The following GRIA4 variants were observed in gnomAD, a reference collection of about 807,000 sequenced individuals.
GRIA4 encodes the protein glutamate receptor 4.
GRIA4 carries 34 observed loss-of-function variants against 104.0 expected under a neutral mutation model. The observed-to-expected ratio is 0.33, with a 90% CI of 0.25 to 0.44. The LOEUF is 0.44. Ranked by LOEUF, GRIA4 falls within the 20% of genes least tolerant of loss-of-function variation. The pLI is 1.00. For missense variants in GRIA4, 750 were observed against 1,096.5 expected (o/e 0.68, Z 4.46); for synonymous variants, 386 against 381.9 (o/e 1.01, Z -0.13).
chr11:105,869,722 A>G (rs1945547777), intron 5 of GRIA4, among the ~76,000 whole-genome samples: 1 of 152,112 alleles, frequency 6.6e-6, no homozygotes, highest in South Asian at 2.1e-4. Flanking sequence ...TCAGTAATAA[A>G]GTGTGCTCTC....
intron 4 of GRIA4, among the ~76,000 whole-genome samples, chr11:105,809,115 G>A (rs1943068505): frequency 6.6e-6 from 1 of 151,940 alleles, no homozygotes; most frequent in East Asian, 1.9e-4. Context: ...GGGTATTTAG[G>A]AACTCTCTGT....
chr11:105,621,734 T>C (rs1002793925), intron 3 of GRIA4, among the ~76,000 whole-genome samples: 2 of 151,830 alleles, frequency 1.3e-5, no homozygotes, highest in Non-Finnish European at 3.0e-5. Flanking sequence ...GGAGGTAAAA[T>C]TGCTATATCA....
chr11:105,625,914 C>T (rs1950874906), intron 3 of GRIA4, among the ~76,000 whole-genome samples: 1 of 152,064 alleles, frequency 6.6e-6, no homozygotes, highest in Non-Finnish European at 1.5e-5. Flanking sequence ...TGTTTGGAAA[C>T]ATCTAGACCG....
intron 5 of GRIA4, among the ~76,000 whole-genome samples, chr11:105,874,697 A>AC (rs1945750798): frequency 6.6e-6 from 1 of 152,150 alleles, no homozygotes; most frequent in African/African-American, 2.4e-5. Context: ...ATGGGCGTTC[A>AC]CTATTGATTT....
At chr11:105,794,030 G>T (rs1259464236) in intron 4 of GRIA4, among the ~76,000 whole-genome samples, 1 of 151,986 alleles carries the variant, frequency 6.6e-6, no homozygotes, top group Non-Finnish European at 1.5e-5. Context: ...AGGAAGAATT[G>T]CATGAGCAAA....
At position 105,974,370 on chromosome 11, in the gene GRIA4, G is replaced by A. The variant is rs1380215185; in HGVS notation, c.2470G>A (p.Gly824Ser). The A allele has an allele frequency of 1.4e-5, 22 of 1,613,760 alleles. No individual in the cohort carries two copies. The highest frequency in any genetic ancestry group is 1.7e-5 in the Admixed American group (1 of 59,970). ...AGGCGTCTTCTACATTCTGGTTGGC[G>A]GCTTGGGCTTGGCAATGCTGGTGGC... is the stretch of plus-strand genomic sequence containing the variant. ...VAGVFYILVGGLGLAMLVALI... is the reference protein window; with the variant it reads ...VAGVFYILVGSLGLAMLVALI... The change falls in exon 16 of 17, where the codon GGC becomes AGC. Residue 824 changes from glycine (G) to serine (S), a missense_variant. Gly to Ser is a moderately conservative substitution (Grantham distance 56). Around this residue, in one of 3 missense-constraint regions of GRIA4, gnomAD observed 272 missense variants for 524.5 expected, o/e 0.52. Transcript: ENST00000282499.
intron 4 of GRIA4, among the ~76,000 whole-genome samples, chr11:105,780,861 T>C (rs1378677215): frequency 6.6e-6 from 1 of 152,140 alleles, no homozygotes; most frequent in African/African-American, 2.4e-5. Context: ...AAAAATGTAA[T>C]CATCTTATTC....
At chr11:105,884,781 T>C (rs1441780122) in intron 5 of GRIA4, among the ~76,000 whole-genome samples, 1 of 152,216 alleles carries the variant, frequency 6.6e-6, no homozygotes, top group Non-Finnish European at 1.5e-5. Context: ...TATTATAGTT[T>C]TTTGCTAAAC....
intron 4 of GRIA4, among the ~76,000 whole-genome samples, chr11:105,849,832 G>T (rs1944735814): frequency 6.6e-6 from 1 of 151,908 alleles, no homozygotes; most frequent in Non-Finnish European, 1.5e-5. Context: ...AACAACCCTA[G>T]GATTCTTTAC....
intron 3 of GRIA4, among the ~76,000 whole-genome samples, chr11:105,698,166 C>T (rs901567837): frequency 2.0e-5 from 3 of 152,058 alleles, no homozygotes; most frequent in Non-Finnish European, 4.4e-5. Context: ...ATTGATACTA[C>T]GTGCAAACAA....
chr11:105,831,148 G>A (rs765178025), intron 4 of GRIA4, among the ~76,000 whole-genome samples: 1 of 152,034 alleles, frequency 6.6e-6, no homozygotes, highest in African/African-American at 2.4e-5. Context: ...GGGATAGAAT[G>A]TCCAAGATGG....
rs1268199694 is a variant in GRIA4 at position 105,658,466 on chromosome 11, T to C, written c.247+46032T>C. On this transcript the variant is annotated intron_variant, in intron 3 of 16. Transcript: ENST00000282499. ...ATCATAAAAGAATCTGGAATGTGTATAGGAAAACTAAAGAAAAAGTCACTA... is the reference window on the plus strand; with the variant it reads ...ATCATAAAAGAATCTGGAATGTGTACAGGAAAACTAAAGAAAAAGTCACTA... 2.0e-5 allele frequency among the ~76,000 whole-genome samples: 3 copies of C among 150,502 alleles called. No homozygotes were observed. In the East Asian group the frequency reaches 5.8e-4, roughly 29 times the overall value.
intron 4 of GRIA4, among the ~76,000 whole-genome samples, chr11:105,762,602 T>C (rs1940716664): frequency 6.6e-6 from 1 of 152,190 alleles, no homozygotes; most frequent in Non-Finnish European, 1.5e-5. Context: ...AATTCTCACC[T>C]TGAATTTTAA....
rs202210569 is a variant in GRIA4 at position 105,690,803 on chromosome 11, T to A, written c.248-62178T>A. Among the ~76,000 whole-genome samples the A allele has an allele frequency of 5.3e-5, 8 of 152,342 alleles. No homozygotes were observed. In the East Asian group the frequency reaches 5.8e-4, roughly 11 times the overall value. ...TGACCTTTTCCAGAGATTTTTTTTT[T>A]AAATTCACATTTCAGATTCTGCTCA... On this transcript the variant is annotated intron_variant, in intron 3 of 16. Coordinates refer to ENST00000282499, the MANE Select transcript of GRIA4 (RefSeq NM_000829.4).
chr11:105,754,955 T>G (rs1246579226), intron 4 of GRIA4, among the ~76,000 whole-genome samples: 1 of 152,176 alleles, frequency 6.6e-6, no homozygotes, highest in Non-Finnish European at 1.5e-5. Context: ...GAGCAGAAAA[T>G]TTTCCTTTGG....
At chr11:105,765,465 C>A (rs189640112) in intron 4 of GRIA4, among the ~76,000 whole-genome samples, 2 of 152,162 alleles carry the variant, frequency 1.3e-5, no homozygotes, top group African/African-American at 2.4e-5. Flanking sequence ...ATATTGAAAT[C>A]ACTGATGAGA....
Position 105,862,015 on chromosome 11 carries a change from C to A in GRIA4, c.488-9C>A. 1 of 1,572,608 alleles carries A rather than the reference C, an allele frequency of 6.4e-7. No homozygotes were observed. The highest frequency in any genetic ancestry group is 8.7e-7 in the Non-Finnish European group (1 of 1,151,252). ...GCATGTTTTTAGTAACTTTTTTTTT[C>A]CCCAATAGGATACTCGATACTCCAA... On this transcript the variant is annotated splice_polypyrimidine_tract_variant and intron_variant, in intron 4 of 16. Transcript: ENST00000282499.
At chr11:105,719,898 T>C (rs1365351583) in intron 3 of GRIA4, among the ~76,000 whole-genome samples, 1 of 152,086 alleles carries the variant, frequency 6.6e-6, no homozygotes, top group Non-Finnish European at 1.5e-5. Flanking sequence ...CTCTTACAGA[T>C]CACATTTGCT....
intron 5 of GRIA4, among the ~76,000 whole-genome samples, chr11:105,865,201 C>A (rs1215215615): frequency 6.6e-6 from 1 of 151,920 alleles, no homozygotes; most frequent in East Asian, 1.9e-4. Flanking sequence ...TAATGTACAC[C>A]ATAAGAAAAA....
Sources: gnomAD v4.1 joint callset for allele counts (sites outside exome capture counted in the v4.1 genomes callset) on GRCh38, gnomAD v4.1.1 for gene constraint, gnomAD v4.1.1 regional missense constraint, MANE v1.5 for transcripts, NCBI Gene and HGNC (gene_info 2026-07-23, HGNC 2026-07-21) for gene names.